The following ACAP2 variants were observed in gnomAD, a reference collection of about 807,000 sequenced individuals.
ACAP2 encodes ArfGAP with coiled-coil, ankyrin repeat and PH domains 2.
ACAP2 carries 39 observed loss-of-function variants against 115.8 expected under a neutral mutation model. That is an observed-to-expected ratio of 0.34 (90% CI 0.26 to 0.44). The LOEUF is 0.44. ACAP2 is among the 20% of genes least tolerant of loss of function. The probability of loss-of-function intolerance (pLI) is 1.00; values close to 1 mark genes in which losing one functional copy is unlikely to be tolerated. For missense variants in ACAP2, 662 were observed against 927.6 expected, an observed-to-expected ratio of 0.71 and a Z score of 3.72; for synonymous variants, 289 against 315.8, an observed-to-expected ratio of 0.92 and a Z score of 0.90.
intron 4 of ACAP2, among the ~76,000 whole-genome samples, chr3:195,351,600 C>A (rs1419511268): frequency 6.6e-5 from 10 of 151,660 alleles, no homozygotes; most frequent in African/African-American, 1.9e-4. Flanking sequence ...CAGTTGGGAC[C>A]ACAGGCGCCC....
At chr3:195,349,716 G>A (rs1053388881) in intron 4 of ACAP2, 1 of 177,630 alleles carries the variant, frequency 5.6e-6, no homozygotes, top group African/African-American at 2.4e-5. Context: ...TCGATAAGGT[G>A]ACCCGAGGGT....
intron 2 of ACAP2, among the ~76,000 whole-genome samples, chr3:195,384,026 G>GCAATATCTAC (rs1734124799): frequency 6.6e-6 from 1 of 152,176 alleles, no homozygotes; most frequent in Admixed American, 6.5e-5. Flanking sequence ...TTGTTGGTAG[G>GCAATATCTAC]AGTGTAAATT....
intron 10 of ACAP2, among the ~76,000 whole-genome samples, chr3:195,314,590 G>C (rs1052633795): frequency 6.6e-6 from 1 of 152,078 alleles, no homozygotes; most frequent in Non-Finnish European, 1.5e-5. Context: ...TTAAATAGTT[G>C]ATTTTGATAA....
intron 10 of ACAP2, among the ~76,000 whole-genome samples, chr3:195,315,140 T>C (rs1348982921): frequency 2.0e-5 from 3 of 152,224 alleles, no homozygotes; most frequent in Non-Finnish European, 1.5e-5. Context: ...CTCAGCCACC[T>C]GAGTAGCTGG....
chr3:195,426,256 T>A (rs746411051), intron 1 of ACAP2, among the ~76,000 whole-genome samples: 13 of 152,140 alleles, frequency 8.5e-5, no homozygotes, highest in Admixed American at 5.2e-4. Flanking sequence ...CACCACCTGC[T>A]ATCCACCCTT....
At chr3:195,435,597 G>A (rs1174339061) in intron 1 of ACAP2, among the ~76,000 whole-genome samples, 2 of 151,982 alleles carry the variant, frequency 1.3e-5, no homozygotes, top group African/African-American at 4.8e-5. Context: ...TTTTGCTTGT[G>A]ACTTCTTTGA....
intron 13 of ACAP2, among the ~76,000 whole-genome samples, chr3:195,304,704 T>G (rs1212678064): frequency 6.6e-6 from 1 of 152,190 alleles, no homozygotes; most frequent in African/African-American, 2.4e-5. Context: ...CAATCCCTCA[T>G]AGCTATGCAG....
At chr3:195,332,212 A>G (rs1730220657) in intron 8 of ACAP2, among the ~76,000 whole-genome samples, 1 of 152,120 alleles carries the variant, frequency 6.6e-6, no homozygotes, top group Admixed American at 6.5e-5. Context: ...AAAGTTCCCA[A>G]GAGCTCTATA....
intron 22 of ACAP2, among the ~76,000 whole-genome samples, chr3:195,280,332 C>A (rs1726412892): frequency 6.6e-6 from 1 of 151,966 alleles, no homozygotes; most frequent in African/African-American, 2.4e-5. Context: ...AGTAACCAGG[C>A]GTGGTGGTGG....
intron 4 of ACAP2, among the ~76,000 whole-genome samples, chr3:195,353,522 A>C (rs545536880): frequency 6.6e-6 from 1 of 152,368 alleles, no homozygotes; most frequent in Admixed American, 6.5e-5. Context: ...ACAAAAGTCC[A>C]TTTACATACA....
intron 4 of ACAP2, among the ~76,000 whole-genome samples, chr3:195,356,744 C>T (rs58381246): frequency 0.02 from 2,992 of 151,932 alleles, 97 homozygotes; most frequent in African/African-American, 0.068. Context: ...CCAGAAGGAA[C>T]CTGAAGGGAA....
chr3:195,305,509 A>G (rs1325626629), intron 13 of ACAP2, among the ~76,000 whole-genome samples: 1 of 152,160 alleles, frequency 6.6e-6, no homozygotes, highest in African/African-American at 2.4e-5. Context: ...AAGCTACTAG[A>G]GAAAGTACTT....
Position 195,412,912 on chromosome 3 carries a change from G to A in ACAP2, c.54-20765C>T, listed in dbSNP as rs769019644. The A allele has an allele frequency of 5.5e-5, 25 of 456,138 alleles. 1 individual carries two copies. The highest frequency in any genetic ancestry group is 3.1e-4 in the South Asian group (20 of 64,534). 28.3% of individuals were successfully genotyped at this position (456,138 alleles called of 1,614,324 possible). A position where few individuals can be genotyped will look rare whatever the true frequency, so the allele number is the denominator to read the frequency against. ...CGGTAAAACAAGCCCCTGCTCTCAC[G>A]GCATCTAAGTGAAGGAAACACAATT... On this transcript the variant is annotated intron_variant, in intron 1 of 22. Transcript: ENST00000326793.
intron 7 of ACAP2, among the ~76,000 whole-genome samples, chr3:195,333,715 A>G (rs1318066308): frequency 6.6e-6 from 1 of 152,214 alleles, no homozygotes; most frequent in African/African-American, 2.4e-5. Flanking sequence ...TAACTCTACT[A>G]TCTTCCTAGG....
chr3:195,370,641 G>T (rs374347479), intron 4 of ACAP2, among the ~76,000 whole-genome samples: 16 of 152,062 alleles, frequency 1.1e-4, no homozygotes, highest in African/African-American at 3.9e-4. Context: ...TTTGGTTACT[G>T]GGGCCCTGTA....
At position 195,292,259 on chromosome 3, in the gene ACAP2, G is replaced by A. The variant is rs913974240; in HGVS notation, c.1953+6C>T. On this transcript the variant is annotated splice_donor_region_variant and intron_variant, in intron 19 of 22. Transcript: ENST00000326793. ...CTACTGAAAATGTCATTGTATAAAC[G>A]CATACCCCTAATACAGCCTGAATAA... The A allele has an allele frequency of 1.3e-6, 2 of 1,569,694 alleles. No individual in the cohort carries two copies. Among genetic ancestry groups the A allele is most frequent in the Non-Finnish European group, 1.7e-6 (2 of 1,165,674 alleles).
intron 7 of ACAP2, among the ~76,000 whole-genome samples, chr3:195,333,397 C>T (rs1730303540): frequency 6.6e-6 from 1 of 152,102 alleles, no homozygotes; most frequent in Non-Finnish European, 1.5e-5. Flanking sequence ...GACAAAGTCT[C>T]GCCATGTTAC....
intron 11 of ACAP2, among the ~76,000 whole-genome samples, chr3:195,308,152 G>A (rs1728538351): frequency 6.6e-6 from 1 of 151,838 alleles, no homozygotes. Flanking sequence ...AAATTTAAGG[G>A]GTTCTATTTA....
At chr3:195,356,297 G>T in intron 4 of ACAP2, 1 of 414,966 alleles carries the variant, frequency 2.4e-6, no homozygotes, top group Admixed American at 2.6e-5. Flanking sequence ...CCAGCCCCAG[G>T]GACAGGACAA....
Sources: gnomAD v4.1 joint callset for allele counts (sites outside exome capture counted in the v4.1 genomes callset) on GRCh38, gnomAD v4.1.1 for gene constraint, MANE v1.5 for transcripts, NCBI Gene and HGNC (gene_info 2026-07-23, HGNC 2026-07-21) for gene names.